The following CCSER1 variants were observed in gnomAD, a reference collection of about 807,000 sequenced individuals.
CCSER1 encodes serine-rich coiled-coil domain-containing protein 1.
Under a neutral mutation model 82.0 loss-of-function variants are expected in CCSER1, and 41 were observed. The observed-to-expected ratio is 0.50, with a 90% CI of 0.39 to 0.65. The LOEUF (loss-of-function observed/expected upper bound fraction) is 0.65. Ranked by LOEUF, CCSER1 falls within the 30% of genes least tolerant of loss-of-function variation. CCSER1 has a pLI of 0.00. For synonymous variants in CCSER1, 414 were observed against 383.9 expected (o/e 1.08, Z -0.92); for missense variants, 1,119 against 1,064.2 (o/e 1.05, Z -0.72).
chr4:90,829,828 C>T (rs764716869), intron 8 of CCSER1, among the ~76,000 whole-genome samples: 1 of 152,182 alleles, frequency 6.6e-6, no homozygotes, highest in Admixed American at 6.5e-5. Context: ...GGGCTTCCTG[C>T]ATATGCAGTG....
At chr4:90,580,766 CTT>C (rs1280965232) in intron 5 of CCSER1, among the ~76,000 whole-genome samples, 1 of 152,174 alleles carries the variant, frequency 6.6e-6, no homozygotes, top group Non-Finnish European at 1.5e-5. Flanking sequence ...GTTACAAACT[CTT>C]TACATTTCTT....
chr4:90,619,377 C>G (rs1013674920), intron 5 of CCSER1, among the ~76,000 whole-genome samples: 2 of 151,806 alleles, frequency 1.3e-5, no homozygotes, highest in African/African-American at 4.8e-5. Context: ...AAAAGTGTTC[C>G]AACACAGCAG....
At chr4:90,712,895 C>T (rs1740902499) in intron 6 of CCSER1, among the ~76,000 whole-genome samples, 2 of 142,566 alleles carry the variant, frequency 1.4e-5, no homozygotes, top group Non-Finnish European at 1.5e-5. Flanking sequence ...ATATAATGTC[C>T]TTCGTCTCTT....
At chr4:90,982,976 A>G (rs1736255068) in intron 9 of CCSER1, among the ~76,000 whole-genome samples, 1 of 151,738 alleles carries the variant, frequency 6.6e-6, no homozygotes, top group South Asian at 2.1e-4. Context: ...ATCTAAGTGC[A>G]TTTCCTCAGG....
chr4:91,201,291 T>C (rs962034757), intron 10 of CCSER1, among the ~76,000 whole-genome samples: 4 of 152,088 alleles, frequency 2.6e-5, no homozygotes, highest in Non-Finnish European at 4.4e-5. Context: ...TGAGTGAGAA[T>C]AGATCTTCCA....
At chr4:90,511,588 CAGTATCTTG>C (rs1771518657) in intron 5 of CCSER1, among the ~76,000 whole-genome samples, 1 of 152,130 alleles carries the variant, frequency 6.6e-6, no homozygotes, top group Non-Finnish European at 1.5e-5. Flanking sequence ...ATAAATGAGG[CAGTATCTTG>C]AGAGATAATT....
chr4:90,682,438 T>G (rs894117561), intron 6 of CCSER1, among the ~76,000 whole-genome samples: 3 of 152,032 alleles, frequency 2.0e-5, no homozygotes, highest in Admixed American at 6.6e-5. Context: ...TCTTAATATT[T>G]TATAGATTTA....
intron 10 of CCSER1, among the ~76,000 whole-genome samples, chr4:91,446,179 A>G (rs946711459): frequency 2.1e-5 from 3 of 142,392 alleles, no homozygotes; most frequent in Non-Finnish European, 4.5e-5. Flanking sequence ...TTTGAGGGAA[A>G]GTATAATTTT....
At chr4:90,275,876 G>GAA (rs2153456972) in intron 1 of CCSER1, among the ~76,000 whole-genome samples, 1 of 152,214 alleles carries the variant, frequency 6.6e-6, no homozygotes, top group African/African-American at 2.4e-5. Flanking sequence ...CAGCAAAAGT[G>GAA]TTAATGAAAT....
At chr4:90,975,854 TATTA>T (rs1461122976) in intron 9 of CCSER1, among the ~76,000 whole-genome samples, 2 of 151,352 alleles carry the variant, frequency 1.3e-5, no homozygotes, top group Non-Finnish European at 3.0e-5. Context: ...ATACTCATTA[TATTA>T]ATTATTATAA....
At chr4:90,403,920 C>T (rs1201741304) in intron 4 of CCSER1, 2 of 152,110 alleles carry the variant, frequency 1.3e-5, no homozygotes, top group African/African-American at 2.4e-5. Context: ...ACTTTTGCTC[C>T]AAGAACTACC....
intron 7 of CCSER1, among the ~76,000 whole-genome samples, chr4:90,733,581 A>T (rs1044581545): frequency 1.3e-5 from 2 of 152,032 alleles, no homozygotes; most frequent in African/African-American, 4.8e-5. Flanking sequence ...TGGTTTAGGG[A>T]TATTAAGAAA....
chr4:91,142,845 T>A (rs1047820809), intron 10 of CCSER1, among the ~76,000 whole-genome samples: 1 of 150,662 alleles, frequency 6.6e-6, no homozygotes, highest in Non-Finnish European at 1.5e-5. Flanking sequence ...TTTGTGTCTG[T>A]TTTTTTACCA....
intron 9 of CCSER1, among the ~76,000 whole-genome samples, chr4:91,040,364 G>A (rs1041061444): frequency 2.0e-5 from 3 of 152,110 alleles, no homozygotes; most frequent in Admixed American, 6.6e-5. Flanking sequence ...AGATAATAAA[G>A]TGATAGCCAA....
At chr4:91,067,166 A>G (rs184233490) in intron 9 of CCSER1, among the ~76,000 whole-genome samples, 1 of 151,186 alleles carries the variant, frequency 6.6e-6, no homozygotes, top group Admixed American at 6.6e-5. Flanking sequence ...AACGTCTCAA[A>G]AAGAAAAAAA....
chr4:91,141,319 T>C (rs934286736), intron 10 of CCSER1, among the ~76,000 whole-genome samples: 4 of 151,994 alleles, frequency 2.6e-5, no homozygotes, highest in African/African-American at 7.2e-5. Context: ...ACCTGACTAA[T>C]TTTTGTATTT....
At chr4:91,109,146 C>T (rs945764348) in intron 10 of CCSER1, among the ~76,000 whole-genome samples, 49 of 152,132 alleles carry the variant, frequency 3.2e-4, no homozygotes, top group East Asian at 3.9e-4. Flanking sequence ...TTACAGCATC[C>T]ATTTCCCTAG....
intron 3 of CCSER1, among the ~76,000 whole-genome samples, chr4:90,313,668 T>C (rs1043415152): frequency 2.0e-5 from 3 of 152,060 alleles, no homozygotes; most frequent in African/African-American, 4.8e-5. Flanking sequence ...TTTGTATGTG[T>C]GAACTAGGGT....
intron 7 of CCSER1, among the ~76,000 whole-genome samples, chr4:90,757,824 A>G (rs988860861): frequency 1.3e-5 from 2 of 152,168 alleles, no homozygotes; most frequent in Non-Finnish European, 2.9e-5. Context: ...CTCAATATTT[A>G]CTTTTACATT....
Sources: allele counts gnomAD v4.1 joint callset (sites outside exome capture counted in the v4.1 genomes callset), GRCh38; gene constraint gnomAD v4.1.1; transcripts MANE v1.5; gene names NCBI Gene and HGNC (gene_info 2026-07-23, HGNC 2026-07-21).